DNM2: variants seen among roughly 807,000 people sequenced by gnomAD.
DNM2 encodes the protein dynamin-2.
In DNM2, 15 loss-of-function variants were observed where a neutral mutation model predicts 99.0. The ratio of observed to expected loss-of-function variants is 0.15; its 90% CI spans 0.10 to 0.23. DNM2 has a LOEUF of 0.23. Ranked by LOEUF, DNM2 falls within the 10% of genes least tolerant of loss-of-function variation. DNM2 has a pLI of 1.00. For synonymous variants in DNM2, 525 were observed against 481.2 expected (o/e 1.09, Z -1.19); for missense variants, 742 against 1,189.4 (o/e 0.62, Z 5.53).
chr19:10,752,918 C>G (rs1393366903), intron 1 of DNM2, among the ~76,000 whole-genome samples: 1 of 152,088 alleles, frequency 6.6e-6, no homozygotes, highest in Non-Finnish European at 1.5e-5. Context: ...TGCACTCCAG[C>G]CTGGGTGACA....
At chr19:10,762,272 A>G (rs182767033) in intron 2 of DNM2, among the ~76,000 whole-genome samples, 128 of 152,260 alleles carry the variant, frequency 8.4e-4, no homozygotes, top group African/African-American at 3.0e-3. Flanking sequence ...TCCTGAGCTC[A>G]AATGATCTGC....
intron 1 of DNM2, among the ~76,000 whole-genome samples, chr19:10,722,640 G>T (rs189026466): frequency 1.1e-4 from 17 of 152,170 alleles, no homozygotes; most frequent in Admixed American, 1.0e-3. Flanking sequence ...ACCGCGCCTG[G>T]CCTGAGATAG....
Position 10,831,222 on chromosome 19 carries a change from C to T in DNM2, c.*175C>T, listed in dbSNP as rs1278510516. 2.5e-5 allele frequency: 34 copies of T among 1,383,002 alleles called. No individual in the cohort carries two copies. In the East Asian group the frequency reaches 2.6e-4, roughly 11 times the overall value. 85.7% of individuals were successfully genotyped at this position (1,383,002 alleles called of 1,614,324 possible). On this transcript the variant is annotated 3_prime_UTR_variant, in exon 21 of 21. Coordinates refer to ENST00000389253, the MANE Select transcript of DNM2 (RefSeq NM_001005361.3). The surrounding 1 kb of genome is among the most constrained non-coding windows in gnomAD (Gnocchi z 4.3). ...CCGGCCCCTGTGCCTGGCTGGACAC[C>T]GCACTGCGCAAAGGGGCCCTGGAGC...
chr19:10,818,346 C>T lies in DNM2; in HGVS notation c.1672-1634C>T, dbSNP rs1056271157. On this transcript the variant is annotated intron_variant, in intron 15 of 20. Coordinates refer to ENST00000389253, the MANE Select transcript of DNM2 (RefSeq NM_001005361.3). The surrounding 1 kb of genome is among the most constrained non-coding windows in gnomAD (Gnocchi z 4.3). ...GAGCCTGGCAGGCTAATCCTGGAGCCGCTCACAAGAGCAACCAAAGAAAAT... is the reference window on the plus strand; with the variant it reads ...GAGCCTGGCAGGCTAATCCTGGAGCTGCTCACAAGAGCAACCAAAGAAAAT... Among the ~76,000 whole-genome samples the T allele has an allele frequency of 3.3e-5, 5 of 152,366 alleles. No individual in the cohort carries two copies. The highest frequency in any genetic ancestry group is 1.9e-4 in the East Asian group (1 of 5,180).
Position 10,812,456 on chromosome 19 carries a change from G to T in DNM2, c.1671+79G>T. 8.1e-7 allele frequency: 1 copy of T among 1,229,632 alleles called. No individual in the cohort carries two copies. The allele number at this position is 1,229,632 out of a possible 1,614,324, so 76.2% of individuals were successfully genotyped here. A position where few individuals can be genotyped will look rare whatever the true frequency, so the allele number is the denominator to read the frequency against. On this transcript the variant is annotated intron_variant, in intron 15 of 20. Transcript: ENST00000389253. The surrounding 1 kb of genome is among the most constrained non-coding windows in gnomAD (Gnocchi z 4.0). ...AGCGGGTGGGCGCTCCCTCTGGGCA[G>T]AACTCAGTCACTGCGCCACTCTGCC... is the stretch of plus-strand genomic sequence containing the variant.
intron 3 of DNM2, among the ~76,000 whole-genome samples, chr19:10,774,905 G>A (rs976407760): frequency 6.6e-6 from 1 of 151,582 alleles, no homozygotes; most frequent in African/African-American, 2.4e-5. Flanking sequence ...GAGTAGTTAG[G>A]ACAACAGATG....
At position 10,831,715 on chromosome 19, in the gene DNM2, CTA is replaced by C. The variant is rs2073351653; in HGVS notation, c.*670_*671del. ...GTCCCCCAGGGTGGCTGGGCTTGGG[CTA>C]TGTGGGTGGTGGTGGCGGGGGGTCT... is the stretch of plus-strand genomic sequence containing the variant. On this transcript the variant is annotated 3_prime_UTR_variant, in exon 21 of 21. Transcript: ENST00000389253. This position sits in a 1 kb window ranked among gnomAD's most constrained non-coding sequence, Gnocchi z 4.3. 2 of 986,558 alleles carry C rather than the reference CTA, an allele frequency of 2.0e-6. No individual in the cohort carries two copies. Among genetic ancestry groups the C allele is most frequent in the Non-Finnish European group, 2.4e-6 (2 of 830,544 alleles). The allele number at this position is 986,558 out of a possible 1,614,324, so 61.1% of individuals were successfully genotyped here. A position where few individuals can be genotyped will look rare whatever the true frequency, so the allele number is the denominator to read the frequency against.
Position 10,721,689 on chromosome 19 carries a change from G to A in DNM2, c.161+3286G>A, listed in dbSNP as rs145088702. On this transcript the variant is annotated intron_variant, in intron 1 of 20. Transcript: ENST00000389253. ...CTCTAAAAGCACTAGGATTACAGGTGTGAGCCATTGCGCCGAGCCTGGATT... is the reference window on the plus strand; with the variant it reads ...CTCTAAAAGCACTAGGATTACAGGTATGAGCCATTGCGCCGAGCCTGGATT... 3.0e-3 allele frequency among the ~76,000 whole-genome samples: 452 copies of A among 152,286 alleles called. 14 individuals are homozygous for A. The highest frequency in any genetic ancestry group is 0.023 in the Admixed American group (355 of 15,284).
chr19:10,775,964 C>G lies in DNM2; in HGVS notation c.589+58C>G. The G allele has an allele frequency of 1.3e-6, 2 of 1,585,728 alleles. No homozygotes were observed. Among genetic ancestry groups the G allele is most frequent in the Non-Finnish European group, 8.6e-7 (1 of 1,169,498 alleles). Reference sequence around the variant, plus strand: ...AGGTGCCTCTGAGCATGGGATGTGCCCAGCATCCTTGGTTCCAAGTCACTG... The same window carrying G: ...AGGTGCCTCTGAGCATGGGATGTGCGCAGCATCCTTGGTTCCAAGTCACTG... On this transcript the variant is annotated intron_variant, in intron 4 of 20. Coordinates refer to ENST00000389253, the MANE Select transcript of DNM2 (RefSeq NM_001005361.3). This position sits in a 1 kb window ranked among gnomAD's most constrained non-coding sequence, Gnocchi z 4.3.
intron 16 of DNM2, 138 bp from the exon 17 acceptor site, chr19:10,823,650 C>T: frequency 1.3e-6 from 1 of 769,020 alleles, no homozygotes; most frequent in Non-Finnish European, 2.3e-6. Flanking sequence ...GGTGACCCCT[C>T]AGCATGACCA....
chr19:10,777,733 T>C (rs1242832269), intron 5 of DNM2, among the ~76,000 whole-genome samples: 3 of 152,076 alleles, frequency 2.0e-5, no homozygotes, highest in African/African-American at 7.2e-5. Context: ...TAGCTGGGAT[T>C]ACAAGTGGGC....
At chr19:10,813,838 A>AAAAAG (rs1555714066) in intron 15 of DNM2, among the ~76,000 whole-genome samples, 2 of 150,740 alleles carry the variant, frequency 1.3e-5, no homozygotes, top group South Asian at 4.2e-4. Flanking sequence ...AAAAAAAAAA[A>AAAAAG]AAGAAGAAGA....
chr19:10,757,665 C>T (rs749010855), intron 1 of DNM2, among the ~76,000 whole-genome samples: 28 of 152,104 alleles, frequency 1.8e-4, no homozygotes, highest in Non-Finnish European at 3.5e-4. Flanking sequence ...TCTGTGTTGG[C>T]CAGGCACGGT....
chr19:10,776,680 A>G (rs2071166357), intron 4 of DNM2, among the ~76,000 whole-genome samples: 1 of 152,200 alleles, frequency 6.6e-6, no homozygotes, highest in South Asian at 2.1e-4. Flanking sequence ...GATGGTTTCC[A>G]GAGTGGAATT....
chr19:10,751,852 C>T (rs2070206925), intron 1 of DNM2, among the ~76,000 whole-genome samples: 1 of 152,198 alleles, frequency 6.6e-6, no homozygotes, highest in Non-Finnish European at 1.5e-5. Context: ...ATTAAACACT[C>T]GAACAAAGGA....
chr19:10,788,371 A>G (rs2071639303), intron 7 of DNM2, among the ~76,000 whole-genome samples: 1 of 152,062 alleles, frequency 6.6e-6, no homozygotes, highest in Admixed American at 6.6e-5. Context: ...TCAGAGGAAG[A>G]CCCTGTGGCT....
chr19:10,746,587 A>G (rs1264600346), intron 1 of DNM2, among the ~76,000 whole-genome samples: 1 of 150,390 alleles, frequency 6.6e-6, no homozygotes, highest in Non-Finnish European at 1.5e-5. Flanking sequence ...CACCTGGCTA[A>G]TTTTGTATTT....
At position 10,818,502 on chromosome 19, in the gene DNM2, AG is replaced by A. The variant is rs1244313977; in HGVS notation, c.1672-1475del. ...TTGCCCGAGGGCACACGGCCAGGAA[AG>A]GGCAGGGCTGGCATCACCTCAACCA... On this transcript the variant is annotated intron_variant, in intron 15 of 20. Coordinates refer to ENST00000389253, the MANE Select transcript of DNM2 (RefSeq NM_001005361.3). This position sits in a 1 kb window ranked among gnomAD's most constrained non-coding sequence, Gnocchi z 4.3. 6.6e-6 allele frequency among the ~76,000 whole-genome samples: 1 copy of A among 152,170 alleles called. No individual in the cohort carries two copies. The highest frequency in any genetic ancestry group is 1.5e-5 in the Non-Finnish European group (1 of 68,026).
intron 16 of DNM2, among the ~76,000 whole-genome samples, chr19:10,822,353 C>A (rs2073002879): frequency 6.6e-6 from 1 of 151,824 alleles, no homozygotes; most frequent in Admixed American, 6.6e-5. Flanking sequence ...CCATGCCCAG[C>A]TAATTTTTGT....
Sources: allele counts gnomAD v4.1 joint callset (sites outside exome capture counted in the v4.1 genomes callset), GRCh38; gene constraint gnomAD v4.1.1; non-coding constraint Gnocchi (gnomAD v3.1); transcripts MANE v1.5; gene names NCBI Gene and HGNC (gene_info 2026-07-23, HGNC 2026-07-21).